Variants in MYOM1 observed in about 807,000 individuals in gnomAD.
The protein encoded by MYOM1 is myomesin-1.
In MYOM1, 164 loss-of-function variants were observed where a neutral mutation model predicts 205.3. The observed-to-expected ratio is 0.80, with a 90% CI of 0.70 to 0.91. MYOM1 has a LOEUF of 0.91. MYOM1 is among the 40% of genes least tolerant of loss of function. MYOM1 has a pLI of 0.00. For synonymous variants in MYOM1, 772 were observed against 789.4 expected (o/e 0.98, Z 0.37); for missense variants, 2,011 against 2,127.3 (o/e 0.95, Z 1.08).
intron 20 of MYOM1, among the ~76,000 whole-genome samples, chr18:3,117,629 C>T (rs781384598): frequency 3.0e-4 from 46 of 151,984 alleles, no homozygotes; most frequent in Non-Finnish European, 4.1e-4. Flanking sequence ...CCAGCTGCTA[C>T]GCAGGTGAAA....
chr18:3,135,078 AG>A lies in MYOM1; in HGVS notation c.2210-255del, dbSNP rs1378587628. ...ATTTTCCCACCTCAGCCTCCTGAGTAGCTGGAATTACCAGGCATGTGCCACA... is the reference window on the plus strand; with the variant it reads ...ATTTTCCCACCTCAGCCTCCTGAGTACTGGAATTACCAGGCATGTGCCACA... On this transcript the variant is annotated intron_variant, in intron 15 of 37. Transcript: ENST00000356443. The surrounding 1 kb of genome is among the most constrained non-coding windows in gnomAD (Gnocchi z 4.1). 4.8e-6 allele frequency: 2 copies of A among 416,856 alleles called. No individual in the cohort carries two copies. Among genetic ancestry groups the A allele is most frequent in the South Asian group, 2.6e-5 (1 of 39,152 alleles). The allele number at this position is 416,856 out of a possible 1,614,324, so 25.8% of individuals were successfully genotyped here. A position where few individuals can be genotyped will look rare whatever the true frequency, so the allele number is the denominator to read the frequency against.
At chr18:3,164,650 G>A (rs146634696) in intron 9 of MYOM1, among the ~76,000 whole-genome samples, 256 of 152,244 alleles carry the variant, frequency 1.7e-3, no homozygotes, top group Admixed American at 3.6e-3. Context: ...CACATAATCC[G>A]CAGGGGCCTC....
intron 5 of MYOM1, 62 bp downstream of exon 5, chr18:3,187,418 C>G: frequency 6.4e-7 from 1 of 1,558,446 alleles, no homozygotes. Flanking sequence ...CTGTGTGTTT[C>G]CACTAGAGGC....
chr18:3,089,120 A>T, intron 29 of MYOM1, 54 bp downstream of exon 29: 1 of 1,350,094 alleles, frequency 7.4e-7, no homozygotes, highest in Non-Finnish European at 1.0e-6. Context: ...CCTCTTCTCT[A>T]CATTCTATTT....
intron 12 of MYOM1, among the ~76,000 whole-genome samples, chr18:3,150,974 C>T (rs1456746515): frequency 1.4e-5 from 2 of 142,196 alleles, no homozygotes; most frequent in South Asian, 2.2e-4. Flanking sequence ...TGCTACCATG[C>T]CTGGCTTTTT....
chr18:3,218,108 T>G (rs2081291790), intron 1 of MYOM1, among the ~76,000 whole-genome samples: 1 of 152,182 alleles, frequency 6.6e-6, no homozygotes, highest in Non-Finnish European at 1.5e-5. Context: ...AAGGTATGTT[T>G]GTTTAGCATA....
chr18:3,103,273 G>A (rs1467493503), intron 22 of MYOM1, among the ~76,000 whole-genome samples: 6 of 152,218 alleles, frequency 3.9e-5, no homozygotes, highest in African/African-American at 1.4e-4. Context: ...AGATTAGAGT[G>A]ATAGCAACTG....
chr18:3,193,363 C>CACAT, intron 3 of MYOM1, among the ~76,000 whole-genome samples: 1 of 134,616 alleles, frequency 7.4e-6, no homozygotes, highest in Non-Finnish European at 1.6e-5. Context: ...TATATATATA[C>CACAT]ACACACACAC....
At chr18:3,221,173 C>T (rs1034154690), upstream of MYOM1, among the ~76,000 whole-genome samples, 1 of 152,022 alleles carries the variant, frequency 6.6e-6, no homozygotes. Context: ...TGCCATCACA[C>T]TCGGCTAATT....
chr18:3,180,998 C>T (rs1279018157), intron 5 of MYOM1, among the ~76,000 whole-genome samples: 1 of 151,372 alleles, frequency 6.6e-6, no homozygotes, highest in Non-Finnish European at 1.5e-5. Flanking sequence ...ACGATCTGTG[C>T]TCACTGCAAC....
intron 16 of MYOM1, among the ~76,000 whole-genome samples, chr18:3,132,570 G>A (rs1364348980): frequency 6.6e-6 from 1 of 152,070 alleles, no homozygotes; most frequent in African/African-American, 2.4e-5. Context: ...CAGGTATTAA[G>A]CCTAATACCC....
Position 3,085,062 on chromosome 18 carries a change from A to G in MYOM1, c.4322T>C (p.Leu1441Pro), listed in dbSNP as rs1461371274. Residue 1441 changes from leucine to proline, a missense_variant, in exon 31 of 38, where the codon CTG becomes CCG. Physicochemically the swap from Leu to Pro is moderately conservative, Grantham distance 98. Coordinates refer to ENST00000356443, the MANE Select transcript of MYOM1 (RefSeq NM_003803.4). ...KDDRGKDKSR[L>P]KLVDEAFKEL... ...GGACTGACCTTCATCCACAAGCTTCAGTCTGCTCTTATCTTTTCCTCGGTC... is the reference window on the plus strand; with the variant it reads ...GGACTGACCTTCATCCACAAGCTTCGGTCTGCTCTTATCTTTTCCTCGGTC... 1.9e-6 allele frequency: 3 copies of G among 1,606,908 alleles called. No homozygotes were observed. Among genetic ancestry groups the G allele is most frequent in the East Asian group, 4.5e-5 (2 of 44,710 alleles).
chr18:3,088,904 T>G (rs1419644430), intron 29 of MYOM1, among the ~76,000 whole-genome samples: 1 of 152,212 alleles, frequency 6.6e-6, no homozygotes, highest in Non-Finnish European at 1.5e-5. Flanking sequence ...GTGAGAGTCT[T>G]TGGAGATTAC....
chr18:3,088,182 C>T (rs1236322684), intron 29 of MYOM1, among the ~76,000 whole-genome samples: 1 of 152,090 alleles, frequency 6.6e-6, no homozygotes, highest in Non-Finnish European at 1.5e-5. Context: ...CACCAGAGCT[C>T]CTCTGGTGCA....
chr18:3,083,653 C>A (rs549352728), intron 33 of MYOM1, 136 bp downstream of exon 33: 137 of 532,936 alleles, frequency 2.6e-4, no homozygotes, highest in South Asian at 1.4e-3. Context: ...ACCATGTTGG[C>A]CAGGCTGGTC....
intron 29 of MYOM1, among the ~76,000 whole-genome samples, chr18:3,088,346 GAA>G (rs1598658310): frequency 6.6e-6 from 1 of 152,330 alleles, no homozygotes; most frequent in East Asian, 1.9e-4. Context: ...TGCTGCCAGA[GAA>G]AGAGTTTTTC....
In MYOM1 at chr18:3,135,019, G is replaced by C; in HGVS notation, c.2210-195C>G. ...GCTGGAGAGCAGTGGCGGGATCTCGGCTCACTGCAGCCCCCACCTCCTGGG... is the reference window on the plus strand; with the variant it reads ...GCTGGAGAGCAGTGGCGGGATCTCGCCTCACTGCAGCCCCCACCTCCTGGG... On this transcript the variant is annotated intron_variant, in intron 15 of 37. Coordinates refer to ENST00000356443, the MANE Select transcript of MYOM1 (RefSeq NM_003803.4). The surrounding 1 kb of genome is among the most constrained non-coding windows in gnomAD (Gnocchi z 4.1). 1.9e-6 allele frequency: 1 copy of C among 538,324 alleles called. No individual in the cohort carries two copies. The highest frequency in any genetic ancestry group is 3.3e-6 in the Non-Finnish European group (1 of 304,384). The allele number at this position is 538,324 out of a possible 1,614,324, so 33.3% of individuals were successfully genotyped here.
intron 20 of MYOM1, among the ~76,000 whole-genome samples, chr18:3,117,919 C>A (rs1598689571): frequency 1.3e-5 from 2 of 152,174 alleles, no homozygotes; most frequent in East Asian, 1.9e-4. Context: ...ACGAATGTGG[C>A]ATGTTCTGTT....
At chr18:3,174,280 A>G (rs1318584346) in intron 6 of MYOM1, 72 bp from the exon 7 acceptor site, 7 of 1,352,134 alleles carry the variant, frequency 5.2e-6, no homozygotes, top group Non-Finnish European at 7.3e-6. Flanking sequence ...TCTATCAAGG[A>G]ACTCTTTGCT....
Sources: gnomAD v4.1 joint callset for allele counts (sites outside exome capture counted in the v4.1 genomes callset) on GRCh38, gnomAD v4.1.1 for gene constraint, Gnocchi (gnomAD v3.1) non-coding constraint, MANE v1.5 for transcripts, NCBI Gene and HGNC (gene_info 2026-07-23, HGNC 2026-07-21) for gene names.